RPS6KA2: variants seen among roughly 807,000 people sequenced by gnomAD.
The protein encoded by RPS6KA2 is ribosomal protein S6 kinase A2, also known as ribosomal protein S6 kinase alpha-2.
RPS6KA2 carries 42 observed loss-of-function variants against 91.8 expected under a neutral mutation model. The observed-to-expected ratio is 0.46, with a 90% CI of 0.36 to 0.59. The LOEUF is 0.59. Among genes scored for constraint, RPS6KA2 ranks in the 20% least tolerant of loss-of-function variants. RPS6KA2 has a pLI of 0.00. For missense variants in RPS6KA2, 798 were observed against 978.5 expected (o/e 0.82, Z 2.46); for synonymous variants, 414 against 393.6 (o/e 1.05, Z -0.61).
At chr6:166,598,480 C>A (rs899245127) in intron 1 of RPS6KA2, among the ~76,000 whole-genome samples, 2 of 152,170 alleles carry the variant, frequency 1.3e-5, no homozygotes, top group African/African-American at 4.8e-5. Flanking sequence ...GAATAAAAAG[C>A]CACATTTGGA....
chr6:166,811,533 A>G (rs1779640058), intron 2 of RPS6KA2, among the ~76,000 whole-genome samples: 1 of 152,224 alleles, frequency 6.6e-6, no homozygotes, highest in Admixed American at 6.5e-5. Flanking sequence ...CTGAGGTGGG[A>G]GGATCACTTG....
In RPS6KA2 at chr6:166,635,853, G is replaced by C. The variant is rs1787220698; in HGVS notation, c.124-97069C>G. On this transcript the variant is annotated intron_variant, in intron 2 of 21. Coordinates refer to the RPS6KA2 transcript ENST00000503859. The surrounding 1 kb of genome is among the most constrained non-coding windows in gnomAD (Gnocchi z 4.8). ...GGGTGACCTGGGTGTGTCCGGTAAA[G>C]GGTGTCTTAAGTCTGACCCTGCTCG... Among the ~76,000 whole-genome samples the C allele has an allele frequency of 6.6e-6, 1 of 151,956 alleles. No homozygotes were observed. Among genetic ancestry groups the C allele is most frequent in the African/African-American group, 2.4e-5 (1 of 41,382 alleles).
Position 166,550,994 on chromosome 6 carries a change from C to CAA in RPS6KA2, c.100-12212_100-12211dup, listed in dbSNP as rs58796308. Among the ~76,000 whole-genome samples, 114 of 106,372 alleles carry CAA rather than the reference C, an allele frequency of 1.1e-3. 4 individuals carry two copies. The East Asian group carries it at 0.018, about 17-fold the overall frequency. The allele number at this position is 106,372 out of a possible 152,430, so 69.8% of individuals were successfully genotyped here. On this transcript the variant is annotated intron_variant, in intron 1 of 20. Coordinates refer to ENST00000265678, the MANE Select transcript of RPS6KA2 (RefSeq NM_021135.6). ...CTGGCAACAGAGCCGGACTCTATCT[C>CAA]AAAAAAAAAAAAAAAAAGAACGTGA...
At chr6:166,686,284 C>T (rs62438697) in intron 2 of RPS6KA2, among the ~76,000 whole-genome samples, 372 of 152,246 alleles carry the variant, frequency 2.4e-3, no homozygotes, top group Non-Finnish European at 3.6e-3. Flanking sequence ...GTGTGGAGAC[C>T]GTGCAAAGCA....
At chr6:166,681,416 G>A (rs1299395666) in intron 2 of RPS6KA2, among the ~76,000 whole-genome samples, 1 of 152,130 alleles carries the variant, frequency 6.6e-6, no homozygotes, top group Admixed American at 6.5e-5. Context: ...CCTTCTTCTA[G>A]ATTCCGTCTT....
At position 166,612,177 on chromosome 6, in the gene RPS6KA2, C is replaced by T. The variant is rs1786205558; in HGVS notation, c.99+14744G>A. On this transcript the variant is annotated intron_variant, in intron 1 of 20. Transcript: ENST00000265678. The surrounding 1 kb of genome is among the most constrained non-coding windows in gnomAD (Gnocchi z 4.3). ...CAATCTGAGTGTGAGGGCCAGGGAA[C>T]TCACTGACCATCTGGGGGGGCTCTA... is the stretch of plus-strand genomic sequence containing the variant. Among the ~76,000 whole-genome samples the T allele has an allele frequency of 6.6e-6, 1 of 152,248 alleles. No homozygotes were observed.
rs1441946421 is a variant in RPS6KA2, at chr6:166,480,475, GATTTTATATATATATATAT to G, written c.907+8339_907+8357del. Reference sequence around the variant, plus strand: ...AGAATCTTATATTCCTTAAGATTGTGATTTTATATATATATATATATATATATATATATATATATAATAT... The same window carrying G: ...AGAATCTTATATTCCTTAAGATTGTGATATATATATATATATATATAATAT... On this transcript the variant is annotated intron_variant, in intron 10 of 20. Transcript: ENST00000265678. 5.6e-4 allele frequency among the ~76,000 whole-genome samples: 34 copies of G among 61,000 alleles called. 3 individuals are homozygous for G. The South Asian group carries it at 0.014, about 25-fold the overall frequency. The allele number at this position is 61,000 out of a possible 152,430, so 40.0% of individuals were successfully genotyped here.
In RPS6KA2 at chr6:166,411,874, A is replaced by T. The variant is rs1778315960; in HGVS notation, c.*888T>A. On this transcript the variant is annotated 3_prime_UTR_variant, in exon 21 of 21. Transcript: ENST00000265678. The surrounding 1 kb of genome is among the most constrained non-coding windows in gnomAD (Gnocchi z 4.5). Reference sequence around the variant, plus strand: ...GTGAACACAGCAAAACCACAGCTTTAGGTGAGCACACAGGAAGCCGACACA... The same window carrying T: ...GTGAACACAGCAAAACCACAGCTTTTGGTGAGCACACAGGAAGCCGACACA... 1 of 152,338 alleles carries T rather than the reference A, an allele frequency of 6.6e-6. No homozygotes were observed. Among genetic ancestry groups the T allele is most frequent in the African/African-American group, 2.4e-5 (1 of 41,468 alleles). 9.4% of individuals were successfully genotyped at this position (152,338 alleles called of 1,614,324 possible). A position where few individuals can be genotyped will look rare whatever the true frequency, so the allele number is the denominator to read the frequency against.
chr6:166,762,805 T>C (rs1778212944), intron 2 of RPS6KA2, among the ~76,000 whole-genome samples: 1 of 152,130 alleles, frequency 6.6e-6, no homozygotes, highest in African/African-American at 2.4e-5. Context: ...CCCTGAGCCT[T>C]GCACCACGAG....
chr6:166,511,907 T>C (rs1782488759), intron 3 of RPS6KA2, among the ~76,000 whole-genome samples: 1 of 152,052 alleles, frequency 6.6e-6, no homozygotes, highest in African/African-American at 2.4e-5. Context: ...TACAAAGAAG[T>C]AGAATTACCA....
chr6:166,851,679 G>A (rs991835297), intron 2 of RPS6KA2, among the ~76,000 whole-genome samples: 26 of 152,156 alleles, frequency 1.7e-4, no homozygotes, highest in African/African-American at 6.0e-4. Flanking sequence ...GTTCCCATTC[G>A]CACTGAGTAA....
At chr6:166,694,769 T>A (rs946609648) in intron 2 of RPS6KA2, among the ~76,000 whole-genome samples, 1 of 152,236 alleles carries the variant, frequency 6.6e-6, no homozygotes, top group Admixed American at 6.5e-5. Context: ...ATTATCTGAA[T>A]GACCTGAGCC....
At chr6:166,702,313 C>T in intron 2 of RPS6KA2, 1 of 1,613,578 alleles carries the variant, frequency 6.2e-7, no homozygotes, top group Non-Finnish European at 8.5e-7. Context: ...GCCCAAGCCC[C>T]CGGCGACCTC....
intron 10 of RPS6KA2, among the ~76,000 whole-genome samples, chr6:166,478,296 G>C (rs1490914673): frequency 6.6e-6 from 1 of 151,932 alleles, no homozygotes; most frequent in Non-Finnish European, 1.5e-5. Flanking sequence ...GGAATGACAA[G>C]GCAGAGACTA....
intron 2 of RPS6KA2, among the ~76,000 whole-genome samples, chr6:166,745,168 T>TA (rs1790956878): frequency 6.9e-6 from 1 of 145,748 alleles, no homozygotes; most frequent in African/African-American, 2.6e-5. Context: ...TTTTTTTTTT[T>TA]GAGAGAGAGT....
intron 1 of RPS6KA2, among the ~76,000 whole-genome samples, chr6:166,609,509 T>A: frequency 7.3e-6 from 1 of 137,090 alleles, no homozygotes; most frequent in Non-Finnish European, 1.5e-5. Flanking sequence ...AAGTTTAATT[T>A]TTTTTTTTTT....
chr6:166,586,289 C>T, intron 1 of RPS6KA2: 1 of 1,598,472 alleles, frequency 6.3e-7, no homozygotes, highest in Non-Finnish European at 8.5e-7. Context: ...TGCCTCTGAA[C>T]TGTCTGTTGT....
Position 166,770,831 on chromosome 6 carries a change from GA to G in RPS6KA2, c.123+87368del. The G allele has an allele frequency of 1.9e-6, 3 of 1,562,880 alleles. No individual in the cohort carries two copies. Among genetic ancestry groups the G allele is most frequent in the Admixed American group, 2.0e-5 (1 of 48,868 alleles). On this transcript the variant is annotated intron_variant, in intron 2 of 21. Transcript: ENST00000503859. The surrounding 1 kb of genome is among the most constrained non-coding windows in gnomAD (Gnocchi z 5.1). Reference sequence around the variant, plus strand: ...AAAAAATGTAACTCACATAAGCATGGAAAAAAACAAACCCACAGGAACGCTT... The same window carrying G: ...AAAAAATGTAACTCACATAAGCATGGAAAAAACAAACCCACAGGAACGCTT...
At chr6:166,530,188 C>T (rs1468204801) in intron 3 of RPS6KA2, among the ~76,000 whole-genome samples, 1 of 152,228 alleles carries the variant, frequency 6.6e-6, no homozygotes, top group African/African-American at 2.4e-5. Flanking sequence ...GTGCCGCCTT[C>T]ACATCTCAGA....
Sources: gnomAD v4.1 joint callset for allele counts (sites outside exome capture counted in the v4.1 genomes callset) on GRCh38, gnomAD v4.1.1 for gene constraint, Gnocchi (gnomAD v3.1) non-coding constraint, MANE v1.5 for transcripts, NCBI Gene and HGNC (gene_info 2026-07-23, HGNC 2026-07-21) for gene names.